PTPRO: variants seen among roughly 807,000 people sequenced by gnomAD.
PTPRO encodes receptor-type tyrosine-protein phosphatase O.
A neutral mutation model predicts 145.2 loss-of-function variants in PTPRO; 62 were observed. The observed-to-expected ratio is 0.43, with a 90% confidence interval of 0.35 to 0.53. The LOEUF (loss-of-function observed/expected upper bound fraction) is 0.53. Ranked by LOEUF, PTPRO falls within the 20% of genes least tolerant of loss-of-function variation. The pLI is 0.01. For missense variants in PTPRO, 1,345 were observed against 1,482.7 expected (o/e 0.91, Z 1.53); for synonymous variants, 565 against 514.7 (o/e 1.10, Z -1.32).
chr12:15,416,618 C>A (rs959513359), intron 1 of PTPRO, among the ~76,000 whole-genome samples: 1 of 151,550 alleles, frequency 6.6e-6, no homozygotes, highest in Non-Finnish European at 1.5e-5. Flanking sequence ...CGCGCCCAGC[C>A]GGTTCCTCTC....
At position 15,595,129 on chromosome 12, in the gene PTPRO, A is replaced by C. The variant is rs1403671776; in HGVS notation, c.*16+72A>C. The C allele has an allele frequency of 1.0e-5, 10 of 980,174 alleles. No homozygotes were observed. In the East Asian group the frequency reaches 2.3e-4, roughly 22 times the overall value. The allele number at this position is 980,174 out of a possible 1,614,324, so 60.7% of individuals were successfully genotyped here. A position where few individuals can be genotyped will look rare whatever the true frequency, so the allele number is the denominator to read the frequency against. Reference sequence around the variant, plus strand: ...AGAGGGGGATGTGATGGATGGGACAAAAGACAGCAGTAGCCATTTGTATTG... The same window carrying C: ...AGAGGGGGATGTGATGGATGGGACACAAGACAGCAGTAGCCATTTGTATTG... On this transcript the variant is annotated intron_variant, in intron 26 of 26. Coordinates refer to ENST00000281171, the MANE Select transcript of PTPRO (RefSeq NM_030667.3).
At chr12:15,568,023 A>G (rs1423878336) in intron 18 of PTPRO, among the ~76,000 whole-genome samples, 1 of 152,250 alleles carries the variant, frequency 6.6e-6, no homozygotes, top group Admixed American at 6.5e-5. Context: ...TCTGGAAGAT[A>G]TAACGCCCTC....
chr12:15,397,480 T>C (rs779286000), intron 1 of PTPRO, among the ~76,000 whole-genome samples: 2 of 152,188 alleles, frequency 1.3e-5, no homozygotes, highest in South Asian at 4.1e-4. Context: ...TTCAGTTTGA[T>C]TGTCTTGAAT....
Position 15,501,803 on chromosome 12 carries a change from G to A in PTPRO, c.845G>A (p.Gly282Asp). ...ATTCCCTCGGGCAACATTTCTTCCG[G>A]TTGGCCTGATTTTAATAGCAGTGAC... ...PEIPSGNISS[G>D]WPDFNSSDYE... Residue 282 changes from glycine to aspartate, a missense_variant, in exon 5 of 27, where the codon GGT (glycine) becomes GAT (aspartate). Gly to Asp is a moderately conservative substitution (Grantham distance 94). Around this residue, in one of 3 missense-constraint regions of PTPRO, gnomAD observed 1,130 missense variants for 1,214.7 expected, o/e 0.93. Coordinates refer to ENST00000281171, the MANE Select transcript of PTPRO (RefSeq NM_030667.3). 6.2e-7 allele frequency: 1 copy of A among 1,614,050 alleles called. No individual in the cohort carries two copies. The highest frequency in any genetic ancestry group is 8.5e-7 in the Non-Finnish European group (1 of 1,179,996).
intron 12 of PTPRO, among the ~76,000 whole-genome samples, chr12:15,528,666 G>T (rs1374806036): frequency 6.6e-6 from 1 of 152,022 alleles, no homozygotes; most frequent in Non-Finnish European, 1.5e-5. Context: ...AAATAGCCAG[G>T]TTCATGAGGG....
chr12:15,440,067 G>C (rs1023909581), intron 1 of PTPRO: 1 of 638,816 alleles, frequency 1.6e-6, no homozygotes, highest in African/African-American at 1.8e-5. Flanking sequence ...ACTGTCCCTT[G>C]CAAGGTGACA....
chr12:15,570,171 G>A (rs944931332), intron 19 of PTPRO, among the ~76,000 whole-genome samples: 14 of 152,174 alleles, frequency 9.2e-5, no homozygotes, highest in Non-Finnish European at 1.9e-4. Context: ...TGTGGGGGAA[G>A]ATAATTAGTT....
chr12:15,542,590 A>C (rs981648627), intron 12 of PTPRO, among the ~76,000 whole-genome samples: 3 of 152,208 alleles, frequency 2.0e-5, no homozygotes, highest in African/African-American at 7.2e-5. Context: ...AGTACTATTC[A>C]TTTGAAACAT....
intron 1 of PTPRO, among the ~76,000 whole-genome samples, chr12:15,347,086 A>G (rs923388329): frequency 6.6e-6 from 1 of 152,118 alleles, no homozygotes; most frequent in African/African-American, 2.4e-5. Context: ...TCCAGGTCTC[A>G]GCTAAGATGA....
At chr12:15,488,603 AGCAGTCATTTATTGTG>A (rs1274285887) in intron 2 of PTPRO, among the ~76,000 whole-genome samples, 1 of 152,236 alleles carries the variant, frequency 6.6e-6, no homozygotes, top group Non-Finnish European at 1.5e-5. Context: ...GTACCTTTAT[AGCAGTCATTTATTGTG>A]TGTTAGATGC....
chr12:15,492,073 C>T (rs891164544), intron 2 of PTPRO, among the ~76,000 whole-genome samples: 2 of 152,114 alleles, frequency 1.3e-5, no homozygotes. Context: ...TAGTGATAAC[C>T]ACTATATCAT....
At chr12:15,375,693 T>C (rs1938663227) in intron 1 of PTPRO, among the ~76,000 whole-genome samples, 1 of 149,090 alleles carries the variant, frequency 6.7e-6, no homozygotes, top group Non-Finnish European at 1.5e-5. Flanking sequence ...GAGGCAGAGG[T>C]TGCAATGAGC....
At chr12:15,355,608 T>C (rs1937962024) in intron 1 of PTPRO, among the ~76,000 whole-genome samples, 2 of 152,226 alleles carry the variant, frequency 1.3e-5, no homozygotes. Context: ...ATTCTATTTC[T>C]TTCTCCTCAT....
At chr12:15,352,796 A>G (rs183174491) in intron 1 of PTPRO, among the ~76,000 whole-genome samples, 102 of 152,288 alleles carry the variant, frequency 6.7e-4, no homozygotes, top group Middle Eastern at 3.4e-3. Context: ...CTTGATACAC[A>G]CGAATTGGAA....
At chr12:15,325,487 G>T (rs1199595843) in intron 1 of PTPRO, among the ~76,000 whole-genome samples, 1 of 152,046 alleles carries the variant, frequency 6.6e-6, no homozygotes, top group African/African-American at 2.4e-5. Flanking sequence ...AATTTATCTT[G>T]CCTAAACACA....
chr12:15,528,236 G>T (rs11056547), intron 12 of PTPRO, among the ~76,000 whole-genome samples: 1 of 151,076 alleles, frequency 6.6e-6, no homozygotes, highest in Non-Finnish European at 1.5e-5. Flanking sequence ...AAAAAAAAAG[G>T]CTGGGCACGG....
chr12:15,388,171 G>T (rs950369582), intron 1 of PTPRO, among the ~76,000 whole-genome samples: 2 of 152,048 alleles, frequency 1.3e-5, no homozygotes, highest in Non-Finnish European at 2.9e-5. Flanking sequence ...CAATGTGCAG[G>T]TTTGTCATCC....
chr12:15,374,034 A>G (rs1206590576), intron 1 of PTPRO, among the ~76,000 whole-genome samples: 2 of 152,252 alleles, frequency 1.3e-5, no homozygotes, highest in South Asian at 4.1e-4. Flanking sequence ...AGGAATGAAC[A>G]TGCCTAATAA....
intron 1 of PTPRO, among the ~76,000 whole-genome samples, chr12:15,357,950 G>A (rs946215334): frequency 2.3e-4 from 35 of 151,174 alleles, no homozygotes; most frequent in African/African-American, 5.6e-4. Flanking sequence ...TGTTTATTGC[G>A]TCACTATTCA....
Sources: allele counts gnomAD v4.1 joint callset (sites outside exome capture counted in the v4.1 genomes callset), GRCh38; gene constraint gnomAD v4.1.1; regional missense constraint gnomAD v4.1.1; transcripts MANE v1.5; gene names NCBI Gene and HGNC (gene_info 2026-07-23, HGNC 2026-07-21).